Variants in PRR16 observed in about 807,000 individuals in gnomAD.
PRR16 encodes proline rich 16, also known as protein Largen.
PRR16 carries 6 observed loss-of-function variants against 18.2 expected under a neutral mutation model. The observed-to-expected ratio is 0.33, with a 90% CI of 0.18 to 0.65. PRR16 has a LOEUF of 0.65. Ranked by LOEUF, PRR16 falls within the 30% of genes least tolerant of loss-of-function variation. The probability of loss-of-function intolerance (pLI) is 0.74; values close to 1 mark genes in which losing one functional copy is unlikely to be tolerated. For missense variants in PRR16, 412 were observed against 376.6 expected (o/e 1.09, Z -0.78); for synonymous variants, 151 against 147.8 (o/e 1.02, Z -0.16).
chr5:120,597,246 G>T (rs1480521381), intron 1 of PRR16, among the ~76,000 whole-genome samples: 1 of 151,334 alleles, frequency 6.6e-6, no homozygotes, highest in Non-Finnish European at 1.5e-5. Flanking sequence ...TCTATTGGTT[G>T]TTTTTAATAT....
chr5:120,609,767 T>C (rs551342438), intron 1 of PRR16, among the ~76,000 whole-genome samples: 225 of 152,298 alleles, frequency 1.5e-3, no homozygotes, highest in Non-Finnish European at 2.7e-3. Flanking sequence ...GTCTGGAAAT[T>C]GTTACTCCAT....
chr5:120,481,030 A>C (rs1016215758), intron 1 of PRR16: 63 of 909,328 alleles, frequency 6.9e-5, no homozygotes, highest in Non-Finnish European at 8.4e-5. Context: ...CATTGACTTG[A>C]AGTATTTTTC....
At chr5:120,772,731 T>C in the PRR16 span, among the ~76,000 whole-genome samples, 5 of 152,128 alleles carry the variant, frequency 3.3e-5, no homozygotes, top group African/African-American at 1.2e-4. Flanking sequence ...CCAGAATTTG[T>C]TAAGTTCACA....
At chr5:120,592,659 A>G (rs189646786) in intron 1 of PRR16, among the ~76,000 whole-genome samples, 1 of 152,140 alleles carries the variant, frequency 6.6e-6, no homozygotes, top group Admixed American at 6.6e-5. Context: ...ACCCATCCCT[A>G]TGAAGACCAC....
At chr5:120,783,980 C>G in the PRR16 span, among the ~76,000 whole-genome samples, 1 of 152,112 alleles carries the variant, frequency 6.6e-6, no homozygotes, top group East Asian at 1.9e-4. Flanking sequence ...CTTGCTGTGG[C>G]TGGCTTATTT....
intron 1 of PRR16, among the ~76,000 whole-genome samples, chr5:120,513,871 G>A (rs1002229046): frequency 3.3e-5 from 5 of 151,114 alleles, no homozygotes; most frequent in African/African-American, 9.8e-5. Context: ...CAATTCTCCT[G>A]CCTCAGCCTC....
At chr5:120,529,858 G>A (rs904316310) in intron 1 of PRR16, among the ~76,000 whole-genome samples, 1 of 151,948 alleles carries the variant, frequency 6.6e-6, no homozygotes, top group Non-Finnish European at 1.5e-5. Context: ...GAGCATGTAA[G>A]TAAAGTCACT....
chr5:120,778,824 TAAAGATG>T, the PRR16 span, among the ~76,000 whole-genome samples: 6 of 152,166 alleles, frequency 3.9e-5, no homozygotes, highest in Middle Eastern at 3.2e-3. Context: ...TGGGGTTTTG[TAAAGATG>T]AAAGCAGCAT....
chr5:120,700,179 G>A, the PRR16 span, among the ~76,000 whole-genome samples: 4 of 152,138 alleles, frequency 2.6e-5, no homozygotes, highest in Admixed American at 1.3e-4. Context: ...TTGATAAGGC[G>A]CAGATCCTGA....
chr5:120,548,395 T>C (rs867351264), intron 1 of PRR16, among the ~76,000 whole-genome samples: 34 of 152,224 alleles, frequency 2.2e-4, no homozygotes, highest in Middle Eastern at 3.4e-3. Context: ...TTAGTTACAG[T>C]TCTTTGAGCA....
intron 1 of PRR16, among the ~76,000 whole-genome samples, chr5:120,571,741 T>C (rs1191546046): frequency 6.6e-6 from 1 of 152,194 alleles, no homozygotes; most frequent in Non-Finnish European, 1.5e-5. Flanking sequence ...TAGTGGCTTA[T>C]AATGACAATT....
chr5:120,695,725 A>G, the PRR16 span, among the ~76,000 whole-genome samples: 2 of 152,106 alleles, frequency 1.3e-5, no homozygotes, highest in Non-Finnish European at 2.9e-5. Flanking sequence ...ATAATCTCCC[A>G]ATCTAGCGAC....
chr5:120,620,600 A>G (rs1416977403), intron 1 of PRR16, among the ~76,000 whole-genome samples: 1 of 152,146 alleles, frequency 6.6e-6, no homozygotes, highest in African/African-American at 2.4e-5. Context: ...GTTGTCTGTC[A>G]AGGTTCTATG....
intron 1 of PRR16, among the ~76,000 whole-genome samples, chr5:120,492,269 TG>T (rs1194957271): frequency 1.1e-3 from 172 of 150,324 alleles, no homozygotes; most frequent in Middle Eastern, 3.4e-3. Flanking sequence ...TGTGTGTGTG[TG>T]TGTGTGTGTG....
chr5:120,548,624 T>C (rs1371648260), intron 1 of PRR16, among the ~76,000 whole-genome samples: 3 of 152,104 alleles, frequency 2.0e-5, no homozygotes, highest in East Asian at 1.9e-4. Context: ...ATGTTACTAT[T>C]AGCCCTCAAG....
At chr5:120,611,781 G>T (rs1754341384) in intron 1 of PRR16, among the ~76,000 whole-genome samples, 1 of 152,180 alleles carries the variant, frequency 6.6e-6, no homozygotes. Flanking sequence ...TGGAGTTGGA[G>T]CCCCCCACAC....
chr5:120,541,952 A>G (rs890119637), intron 1 of PRR16, among the ~76,000 whole-genome samples: 5 of 151,046 alleles, frequency 3.3e-5, no homozygotes, highest in African/African-American at 4.9e-5. Context: ...AGTTTTGAGC[A>G]CTCATTTTAG....
chr5:120,672,682 G>C (rs1756651922), intron 1 of PRR16, among the ~76,000 whole-genome samples: 1 of 152,040 alleles, frequency 6.6e-6, no homozygotes, highest in African/African-American at 2.4e-5. Context: ...TTACTGTGAT[G>C]CTTGCAGAAT....
At position 120,632,180 on chromosome 5, in the gene PRR16, AAG is replaced by A. The variant is rs111852375; in HGVS notation, c.160-53766_160-53765del. Among the ~76,000 whole-genome samples, 747 of 152,310 alleles carry A rather than the reference AAG, an allele frequency of 4.9e-3. 1 individual carries two copies. The highest frequency in any genetic ancestry group is 0.017 in the African/African-American group (716 of 41,574). ...TCTTAAGAAGCCCCATTCCTAGGGG[AAG>A]AGAGAGAACACCACACCAAGGGAGC... is the stretch of plus-strand genomic sequence containing the variant. On this transcript the variant is annotated intron_variant, in intron 1 of 1. Coordinates refer to ENST00000407149, the MANE Select transcript of PRR16 (RefSeq NM_001300783.2).
Sources: allele counts gnomAD v4.1 joint callset (sites outside exome capture counted in the v4.1 genomes callset), GRCh38; gene constraint gnomAD v4.1.1; transcripts MANE v1.5; gene names NCBI Gene and HGNC (gene_info 2026-07-23, HGNC 2026-07-21).